MELK: variants seen among roughly 807,000 people sequenced by gnomAD.
The protein encoded by MELK is pEg3 kinase.
In MELK, 81 loss-of-function variants were observed where a neutral mutation model predicts 85.0. The observed-to-expected ratio is 0.95, with a 90% CI of 0.80 to 1.15. The LOEUF is 1.15. Ranked by LOEUF, MELK falls within the 50% of genes most tolerant of loss-of-function variation. The pLI is 0.00. For synonymous variants in MELK, 252 were observed against 265.0 expected, an observed-to-expected ratio of 0.95 and a Z score of 0.48; for missense variants, 754 against 777.5, an observed-to-expected ratio of 0.97 and a Z score of 0.36.
intron 7 of MELK, among the ~76,000 whole-genome samples, chr9:36,606,286 A>T (rs1025698659): frequency 4.0e-5 from 6 of 148,248 alleles, no homozygotes; most frequent in Admixed American, 1.4e-4. Context: ...ATACATATGT[A>T]TAGGTGTGTA....
intron 8 of MELK, chr9:36,629,967 C>G (rs150633378): frequency 0.018 from 3,028 of 172,330 alleles, 30 homozygotes; most frequent in Non-Finnish European, 0.028. Flanking sequence ...GCCTCAGCCT[C>G]CTGAGTAGCT....
intron 11 of MELK, among the ~76,000 whole-genome samples, chr9:36,645,117 G>C (rs547768520): frequency 1.3e-4 from 20 of 152,024 alleles, no homozygotes; most frequent in Non-Finnish European, 1.5e-5. Flanking sequence ...AATTAGCCGG[G>C]CGTGGTGGCA....
rs1587519482 is a variant in MELK at position 36,636,786 on chromosome 9, G to GTCTGTCTTTCTTTCTT, written c.834+3615_834+3630dup. On this transcript the variant is annotated intron_variant, in intron 10 of 17. Transcript: ENST00000298048. ...TTTCTTTCTTTCTTTCTTTCTTTCT[G>GTCTGTCTTTCTTTCTT]TCTGTCTTTCTTTCTTTCTGTCTTT... 7.9e-5 allele frequency among the ~76,000 whole-genome samples: 4 copies of GTCTGTCTTTCTTTCTT among 50,718 alleles called. No individual in the cohort carries two copies. The East Asian group carries it at 2.1e-3, about 27-fold the overall frequency. 33.3% of individuals were successfully genotyped at this position (50,718 alleles called of 152,430 possible). A position where few individuals can be genotyped will look rare whatever the true frequency, so the allele number is the denominator to read the frequency against.
chr9:36,602,640 A>G (rs932010938), intron 7 of MELK, among the ~76,000 whole-genome samples: 3 of 146,408 alleles, frequency 2.0e-5, no homozygotes, highest in African/African-American at 7.6e-5. Context: ...GCTCACCGCA[A>G]CCTCAGCCTC....
At chr9:36,670,871 G>T in intron 15 of MELK, 127 bp from the exon 16 acceptor site, 1 of 948,556 alleles carries the variant, frequency 1.1e-6, no homozygotes, top group South Asian at 3.3e-5. Flanking sequence ...GAAGAGAGAG[G>T]TGATCTGGCC....
chr9:36,648,777 G>A (rs1163107957), intron 11 of MELK, among the ~76,000 whole-genome samples: 1 of 152,148 alleles, frequency 6.6e-6, no homozygotes, highest in Non-Finnish European at 1.5e-5. Context: ...TTAGAGAGGA[G>A]CCTTCAAGGT....
intron 3 of MELK, among the ~76,000 whole-genome samples, chr9:36,584,968 C>A (rs1478156604): frequency 6.6e-6 from 1 of 152,146 alleles, no homozygotes; most frequent in African/African-American, 2.4e-5. Context: ...GTCTTCCCAT[C>A]TCAGCTTCCC....
chr9:36,665,549 C>T lies in MELK; in HGVS notation c.1376C>T (p.Thr459Ile), dbSNP rs778490625. The part of the protein sequence containing the change: ...NKNQHKREIL[T>I]TPNRYTTPSK... ...AACCAGCATAAGAGAGAAATACTCA[C>T]TACGCCAAATCGTTACACTACACCC... Residue 459 changes from threonine to isoleucine, a missense_variant, in exon 14 of 18, where the codon ACT becomes ATT. Coordinates refer to ENST00000298048, the MANE Select transcript of MELK (RefSeq NM_014791.4). The T allele has an allele frequency of 4.3e-6, 7 of 1,613,476 alleles. No individual in the cohort carries two copies. Among genetic ancestry groups the T allele is most frequent in the South Asian group, 3.3e-5 (3 of 91,020 alleles).
chr9:36,615,664 C>G, intron 8 of MELK, among the ~76,000 whole-genome samples: 2 of 140,686 alleles, frequency 1.4e-5, no homozygotes, highest in Non-Finnish European at 3.0e-5. Flanking sequence ...AGACGCTCCT[C>G]ACCTCCCAGA....
intron 11 of MELK, 122 bp from the exon 12 acceptor site, chr9:36,651,624 G>A (rs2137245681): frequency 8.4e-7 from 1 of 1,183,684 alleles, no homozygotes; most frequent in Non-Finnish European, 1.2e-6. Flanking sequence ...ATCATATGCT[G>A]TGTAAACCTA....
intron 8 of MELK, among the ~76,000 whole-genome samples, chr9:36,615,038 CCGGA>C (rs1426769703): frequency 5.2e-4 from 77 of 147,480 alleles, no homozygotes; most frequent in Admixed American, 1.1e-3. Flanking sequence ...CCCTCACCTC[CCGGA>C]CGGGGCAGCT....
Position 36,650,856 on chromosome 9 carries a change from T to C in MELK, c.922-890T>C, listed in dbSNP as rs1423058894. Among the ~76,000 whole-genome samples, 9 of 152,174 alleles carry C rather than the reference T, an allele frequency of 5.9e-5. 1 individual carries two copies. The highest frequency in any genetic ancestry group is 2.0e-4 in the Admixed American group (3 of 15,272). On this transcript the variant is annotated intron_variant, in intron 11 of 17. Coordinates refer to ENST00000298048, the MANE Select transcript of MELK (RefSeq NM_014791.4). ...ATGCAGACATCAGGTGGAATCTCTC[T>C]AAGTGGGGAAGCAGTTAGCAGATGT...
In MELK at chr9:36,602,822, G is replaced by A. The variant is rs34788067; in HGVS notation, c.567+3336G>A. ...GATCCGTCTGCCTTGGCCTACCAAA[G>A]TGTTGGGATTACAGGCATGAGCCAC... On this transcript the variant is annotated intron_variant, in intron 7 of 17. Transcript: ENST00000298048. Among the ~76,000 whole-genome samples, 1,498 of 152,228 alleles carry A rather than the reference G, an allele frequency of 9.8e-3. 9 individuals are homozygous for A. Among genetic ancestry groups the A allele is most frequent in the Middle Eastern group, 0.017 (5 of 290 alleles).
At position 36,639,439 on chromosome 9, in the gene MELK, A is replaced by G. The variant is rs190638505; in HGVS notation, c.835-3558A>G. Among the ~76,000 whole-genome samples the G allele has an allele frequency of 3.2e-3, 483 of 152,350 alleles. 3 individuals are homozygous for G. Among genetic ancestry groups the G allele is most frequent in the Middle Eastern group, 0.02 (6 of 294 alleles). ...TGCTGTCTGTTCTGTAACTCTACGC[A>G]TGATCGCCTCCTACCATTTTCATAC... On this transcript the variant is annotated intron_variant, in intron 10 of 17. Coordinates refer to ENST00000298048, the MANE Select transcript of MELK (RefSeq NM_014791.4).
rs1326999891 is a variant in MELK, at chr9:36,594,712, A to G, written c.346A>G (p.Ile116Val). Residue 116 changes from isoleucine (I) to valine (V), a missense_variant, in exon 5 of 18, where the codon ATA (isoleucine) becomes GTA (valine). Physicochemically the swap from Ile to Val is conservative, Grantham distance 29. Coordinates refer to ENST00000298048, the MANE Select transcript of MELK (RefSeq NM_014791.4). ...EEETRVVFRQ[I>V]VSAVAYVHSQ... ...GGAGACCCGGGTTGTCTTCCGTCAG[A>G]TAGTATCTGCTGTTGCTTATGTGCA... is the stretch of plus-strand genomic sequence containing the variant. The G allele has an allele frequency of 6.2e-7, 1 of 1,614,088 alleles. No individual in the cohort carries two copies. The highest frequency in any genetic ancestry group is 8.5e-7 in the Non-Finnish European group (1 of 1,180,026).
Position 36,583,640 on chromosome 9 carries a change from G to A in MELK, c.72G>A (p.Lys24=). 6.2e-7 allele frequency: 1 copy of A among 1,611,012 alleles called. No homozygotes were observed. The highest frequency in any genetic ancestry group is 8.5e-7 in the Non-Finnish European group (1 of 1,178,124). The change falls in exon 3 of 18, where the codon AAG becomes AAA. Residue 24 remains lysine, a synonymous_variant. Coordinates refer to ENST00000298048, the MANE Select transcript of MELK (RefSeq NM_014791.4). ...HETIGTGGFA[K]VKLACHILTG... is the part of the protein sequence containing the mutation. ...TTTCCTACTTAGGTGGCTTTGCAAA[G>A]GTCAAACTTGCCTGCCATATCCTTA...
At chr9:36,638,576 T>G (rs1325421994) in intron 10 of MELK, among the ~76,000 whole-genome samples, 1 of 152,188 alleles carries the variant, frequency 6.6e-6, no homozygotes, top group Non-Finnish European at 1.5e-5. Context: ...TGAGCCACCA[T>G]GCCCAGCCTC....
chr9:36,648,990 T>C (rs1462603568), intron 11 of MELK, among the ~76,000 whole-genome samples: 1 of 152,006 alleles, frequency 6.6e-6, no homozygotes, highest in Non-Finnish European at 1.5e-5. Flanking sequence ...ACCCCAGATA[T>C]GCAGGGAGCG....
intron 3 of MELK, among the ~76,000 whole-genome samples, chr9:36,587,094 C>T (rs547972283): frequency 1.3e-5 from 2 of 152,220 alleles, no homozygotes; most frequent in South Asian, 4.1e-4. Context: ...CTTGGTCCGT[C>T]TGCCTCAGCC....
Sources: allele counts gnomAD v4.1 joint callset (sites outside exome capture counted in the v4.1 genomes callset), GRCh38; gene constraint gnomAD v4.1.1; transcripts MANE v1.5; gene names NCBI Gene and HGNC (gene_info 2026-07-23, HGNC 2026-07-21).